The following PHACTR1 variants were observed in gnomAD, a reference collection of about 807,000 sequenced individuals.
PHACTR1 encodes the protein RPEL repeat containing 1.
PHACTR1 carries 16 observed loss-of-function variants against 69.2 expected under a neutral mutation model. That is an observed-to-expected ratio of 0.23 (90% confidence interval 0.16 to 0.35). The LOEUF (loss-of-function observed/expected upper bound fraction) is 0.35. Among genes scored for constraint, PHACTR1 ranks in the 10% least tolerant of loss-of-function variants. PHACTR1 has a pLI of 1.00. For missense variants in PHACTR1, 510 were observed against 734.7 expected (o/e 0.69, Z 3.54); for synonymous variants, 312 against 284.5 (o/e 1.10, Z -0.97).
At chr6:13,023,517 C>G (rs1196377968) in intron 4 of PHACTR1, among the ~76,000 whole-genome samples, 3 of 152,196 alleles carry the variant, frequency 2.0e-5, no homozygotes, top group African/African-American at 7.2e-5. Flanking sequence ...AAGCTGTAAC[C>G]TCAGCAGAGG....
chr6:13,203,362 C>T (rs763888901), intron 7 of PHACTR1, among the ~76,000 whole-genome samples: 1 of 152,162 alleles, frequency 6.6e-6, no homozygotes, highest in African/African-American at 2.4e-5. Context: ...TCTTCAGAGA[C>T]CCTGTTTCAT....
intron 3 of PHACTR1, among the ~76,000 whole-genome samples, chr6:12,730,869 G>C (rs547199933): frequency 6.6e-6 from 1 of 152,108 alleles, no homozygotes; most frequent in African/African-American, 2.4e-5. Context: ...TGCTGCATTA[G>C]TTTGGTAAGG....
chr6:13,013,530 T>C (rs965848955), intron 4 of PHACTR1, among the ~76,000 whole-genome samples: 1 of 152,060 alleles, frequency 6.6e-6, no homozygotes, highest in African/African-American at 2.4e-5. Flanking sequence ...AGAGTGAAGG[T>C]AGCTTCAAAC....
At chr6:13,244,393 AG>A (rs1252702916) in intron 10 of PHACTR1, among the ~76,000 whole-genome samples, 1 of 152,226 alleles carries the variant, frequency 6.6e-6, no homozygotes, top group Non-Finnish European at 1.5e-5. Flanking sequence ...ATCAGGAGAC[AG>A]GGTTTTGAGA....
chr6:13,037,710 T>C (rs1421765157), intron 4 of PHACTR1, among the ~76,000 whole-genome samples: 2 of 152,194 alleles, frequency 1.3e-5, no homozygotes, highest in Admixed American at 6.5e-5. Context: ...GGGGGATTCA[T>C]AGAGGAACCA....
chr6:13,268,467 A>C (rs1277391330), intron 10 of PHACTR1, among the ~76,000 whole-genome samples: 1 of 152,236 alleles, frequency 6.6e-6, no homozygotes, highest in Non-Finnish European at 1.5e-5. Context: ...GGCAAAGGAG[A>C]CTTTGCAACT....
At chr6:12,778,193 A>G (rs1318391645) in intron 4 of PHACTR1, among the ~76,000 whole-genome samples, 2 of 152,260 alleles carry the variant, frequency 1.3e-5, no homozygotes, top group East Asian at 3.8e-4. Flanking sequence ...GCATGTACAT[A>G]TACAAACCTG....
At chr6:12,779,392 A>C (rs930737883) in intron 4 of PHACTR1, among the ~76,000 whole-genome samples, 1 of 152,206 alleles carries the variant, frequency 6.6e-6, no homozygotes, top group African/African-American at 2.4e-5. Flanking sequence ...TTTTTCAAAA[A>C]AAAAGAAATC....
At chr6:13,018,413 C>G (rs886189717) in intron 4 of PHACTR1, among the ~76,000 whole-genome samples, 1 of 152,076 alleles carries the variant, frequency 6.6e-6, no homozygotes, top group African/African-American at 2.4e-5. Context: ...GGGAATATTA[C>G]TATATTAGTT....
rs1370932621 is a variant in PHACTR1 at position 13,246,710 on chromosome 6, CT to C, written c.1391+16518del. Among the ~76,000 whole-genome samples the C allele has an allele frequency of 3.9e-5, 6 of 152,172 alleles. No individual in the cohort carries two copies. The highest frequency in any genetic ancestry group is 7.4e-5 in the Non-Finnish European group (5 of 68,024). ...ATGGGATGTGATTTTTCTGTAGCCC[CT>C]ATACAGAGCTTGCACATGGACCTGA... is the stretch of plus-strand genomic sequence containing the variant. On this transcript the variant is annotated intron_variant, in intron 10 of 14. Coordinates refer to ENST00000332995, the MANE Select transcript of PHACTR1 (RefSeq NM_030948.6). The surrounding 1 kb of genome is among the most constrained non-coding windows in gnomAD (Gnocchi z 4.2).
chr6:13,130,416 G>A (rs183031029), intron 5 of PHACTR1, among the ~76,000 whole-genome samples: 1 of 152,132 alleles, frequency 6.6e-6, no homozygotes, highest in African/African-American at 2.4e-5. Flanking sequence ...GACCTCTAGT[G>A]AGATTAACCA....
rs573068931 is a variant in PHACTR1 at position 13,053,373 on chromosome 6, G to T, written c.259G>T (p.Val87Leu). The T allele has an allele frequency of 4.6e-5, 73 of 1,602,340 alleles. No individual in the cohort carries two copies. In the South Asian group the frequency reaches 7.9e-4, roughly 17 times the overall value. ...ISFNLGAAEE[V>L]ERLAAMRSDS... ...TTCTTGGAAATAACAAGCTGAGGAA[G>T]TGGAGAGGCTGGCGGCGATGCGTTC... The change falls in exon 5 of 15, where the codon GTG becomes TTG. Residue 87 changes from valine to leucine, a missense_variant. Coordinates refer to ENST00000332995, the MANE Select transcript of PHACTR1 (RefSeq NM_030948.6).
chr6:13,271,344 T>C (rs1253398358), intron 10 of PHACTR1, among the ~76,000 whole-genome samples: 1 of 152,150 alleles, frequency 6.6e-6, no homozygotes, highest in African/African-American at 2.4e-5. Flanking sequence ...ACATGAGATT[T>C]GGGCAGCGAC....
rs538415226 is a variant in PHACTR1 at position 13,116,538 on chromosome 6, G to A, written c.416-43666G>A. Among the ~76,000 whole-genome samples the A allele has an allele frequency of 3.9e-5, 6 of 152,308 alleles. No individual in the cohort carries two copies. The East Asian group carries it at 1.2e-3, about 29-fold the overall frequency. ...ACATAACAGTGTTTACTTTTAGGGA[G>A]GATGGAGGAAATTGGTGGGGAGGGG... On this transcript the variant is annotated intron_variant, in intron 5 of 14. Coordinates refer to ENST00000332995, the MANE Select transcript of PHACTR1 (RefSeq NM_030948.6).
intron 4 of PHACTR1, among the ~76,000 whole-genome samples, chr6:12,769,268 C>T (rs1010158505): frequency 1.4e-4 from 22 of 152,128 alleles, no homozygotes; most frequent in Non-Finnish European, 7.4e-5. Flanking sequence ...CGGTAGTTGC[C>T]CTGATTTGAT....
intron 5 of PHACTR1, among the ~76,000 whole-genome samples, chr6:13,121,283 A>G (rs1818688326): frequency 6.6e-6 from 1 of 152,172 alleles, no homozygotes; most frequent in Non-Finnish European, 1.5e-5. Flanking sequence ...TGAGAGGCAC[A>G]GACTCCAGAG....
chr6:13,050,505 C>T (rs1805782897), intron 4 of PHACTR1, among the ~76,000 whole-genome samples: 2 of 152,160 alleles, frequency 1.3e-5, no homozygotes, highest in Admixed American at 6.5e-5. Context: ...TTTGATCCCA[C>T]TTCTTCGCCT....
At chr6:13,133,791 G>GCGA (rs1820980596) in intron 5 of PHACTR1, among the ~76,000 whole-genome samples, 1 of 149,734 alleles carries the variant, frequency 6.7e-6, no homozygotes, top group African/African-American at 2.5e-5. Context: ...CTGCCCGGCC[G>GCGA]CCCAGTCTGG....
rs569585373 is a variant in PHACTR1 at position 13,087,311 on chromosome 6, G to A, written c.415+33782G>A. ...GATTTAACCATTCTACCAAACCATC[G>A]AGGAAAAACTACAAATTTTTCTAGA... is the stretch of plus-strand genomic sequence containing the variant. On this transcript the variant is annotated intron_variant, in intron 5 of 14. Transcript: ENST00000332995. 2.1e-4 allele frequency among the ~76,000 whole-genome samples: 32 copies of A among 151,090 alleles called. No individual in the cohort carries two copies. In the South Asian group the frequency reaches 4.4e-3, roughly 21 times the overall value.
Sources: allele counts gnomAD v4.1 joint callset (sites outside exome capture counted in the v4.1 genomes callset), GRCh38; gene constraint gnomAD v4.1.1; non-coding constraint Gnocchi (gnomAD v3.1); transcripts MANE v1.5; gene names NCBI Gene and HGNC (gene_info 2026-07-23, HGNC 2026-07-21).